GTF2H1: variants seen among roughly 807,000 people sequenced by gnomAD.
GTF2H1 encodes BTF2 p62.
A neutral mutation model predicts 71.2 loss-of-function variants in GTF2H1; 16 were observed. That is an observed-to-expected ratio of 0.22 (90% CI 0.15 to 0.34). The LOEUF (loss-of-function observed/expected upper bound fraction) is 0.34, where lower values mean the gene tolerates loss of function less well. Ranked by LOEUF, GTF2H1 falls within the 10% of genes least tolerant of loss-of-function variation. GTF2H1 has a pLI of 1.00. For missense variants in GTF2H1, 498 were observed against 648.2 expected, an observed-to-expected ratio of 0.77 and a Z score of 2.52; for synonymous variants, 215 against 219.0, an observed-to-expected ratio of 0.98 and a Z score of 0.16.
At position 18,358,014 on chromosome 11, in the gene GTF2H1, G is replaced by T. The variant is rs778944977; in HGVS notation, c.1323G>T (p.Met441Ile). The T allele has an allele frequency of 6.2e-7, 1 of 1,612,532 alleles. No homozygotes were observed. The highest frequency in any genetic ancestry group is 8.5e-7 in the Non-Finnish European group (1 of 1,178,630). Reference sequence around the variant, plus strand: ...CACTGTCACCTGGAGGGGCACTTATGCAGGGAGGAACACAGCAAGCCATAA... The same window carrying T: ...CACTGTCACCTGGAGGGGCACTTATTCAGGGAGGAACACAGCAAGCCATAA... ...ITALSPGGAL[M>I]QGGTQQAINQ... is the part of the protein sequence containing the mutation. The change falls in exon 12 of 15, where the codon ATG (methionine) becomes ATT (isoleucine). Residue 441 changes from methionine (M) to isoleucine (I), a missense_variant. By Grantham distance (10) the Met-to-Ile change is conservative. Coordinates refer to ENST00000265963, the MANE Select transcript of GTF2H1 (RefSeq NM_005316.4).
At chr11:18,342,158 C>T (rs1865171472) in intron 7 of GTF2H1, among the ~76,000 whole-genome samples, 1 of 151,954 alleles carries the variant, frequency 6.6e-6, no homozygotes, top group Admixed American at 6.6e-5. Flanking sequence ...TTTATCACTG[C>T]CTCTGTCTTC....
At chr11:18,351,706 A>C (rs528657750) in intron 9 of GTF2H1, 175 bp from the exon 10 acceptor site, 5 of 471,514 alleles carry the variant, frequency 1.1e-5, no homozygotes, top group Middle Eastern at 5.6e-4. Flanking sequence ...AGTATTCTTA[A>C]GTAGTTGTTG....
At position 18,358,566 on chromosome 11, in the gene GTF2H1, T is replaced by C. The variant is rs191761375; in HGVS notation, c.1393T>C (p.Tyr465His). 7.8e-5 allele frequency: 125 copies of C among 1,612,382 alleles called. No individual in the cohort carries two copies. In the East Asian group the frequency reaches 2.0e-3, roughly 26 times the overall value. Reference sequence around the variant, plus strand: ...TATTCAATCTGAATTGAAACACTTATATGTAGCTGTTGGAGAACTTCTACG... The same window carrying C: ...TATTCAATCTGAATTGAAACACTTACATGTAGCTGTTGGAGAACTTCTACG... ...NDIQSELKHL[Y>H]VAVGELLRHF... Residue 465 changes from tyrosine to histidine, a missense_variant, in exon 13 of 15, where the codon TAT becomes CAT. By Grantham distance (83) the Tyr-to-His change is moderately conservative (BLOSUM62 2). Around this residue, in one of 3 missense-constraint regions of GTF2H1, gnomAD observed 266 missense variants for 301.6 expected, o/e 0.88. Coordinates refer to ENST00000265963, the MANE Select transcript of GTF2H1 (RefSeq NM_005316.4).
intron 7 of GTF2H1, among the ~76,000 whole-genome samples, chr11:18,346,382 G>A (rs552671064): frequency 4.6e-5 from 7 of 152,106 alleles, no homozygotes; most frequent in East Asian, 1.9e-4. Context: ...TATTGTCTCC[G>A]ATCTACTTGG....
intron 14 of GTF2H1, among the ~76,000 whole-genome samples, chr11:18,362,617 T>TTCTCTC (rs1027023462): frequency 1.3e-5 from 2 of 151,034 alleles, no homozygotes; most frequent in Non-Finnish European, 3.0e-5. Context: ...CTCTCTCTCT[T>TTCTCTC]TCTCTCTCTC....
intron 3 of GTF2H1, among the ~76,000 whole-genome samples, chr11:18,336,402 AC>A (rs765256892): frequency 2.9e-4 from 44 of 152,172 alleles, no homozygotes; most frequent in Non-Finnish European, 5.7e-4. Context: ...TGCTGGGATT[AC>A]AGGTATGAGC....
At chr11:18,323,882 A>G (rs980005764) in intron 1 of GTF2H1, among the ~76,000 whole-genome samples, 3 of 152,188 alleles carry the variant, frequency 2.0e-5, no homozygotes, top group African/African-American at 7.2e-5. Context: ...ACAAAACCAG[A>G]GCAGTTGAGA....
chr11:18,323,077 A>T (rs145069581), intron 1 of GTF2H1, among the ~76,000 whole-genome samples: 1 of 152,156 alleles, frequency 6.6e-6, no homozygotes, highest in Admixed American at 6.5e-5. Flanking sequence ...GGGATTCTGT[A>T]AGAGAAAAGC....
chr11:18,365,983 T>C lies in GTF2H1; in HGVS notation c.*114T>C, dbSNP rs1231565254. On this transcript the variant is annotated 3_prime_UTR_variant, in exon 15 of 15. Transcript: ENST00000265963. ...GACCTCACAGGAGTGATAAGAAACA[T>C]CTGCTCCACGCCAACTCCCAGAGCT... 7 of 695,162 alleles carry C rather than the reference T, an allele frequency of 1.0e-5. No homozygotes were observed. The African/African-American group carries it at 1.2e-4, about 12-fold the overall frequency. The allele number at this position is 695,162 out of a possible 1,614,324, so 43.1% of individuals were successfully genotyped here.
At chr11:18,361,022 C>A (rs1590200539) in intron 14 of GTF2H1, among the ~76,000 whole-genome samples, 1 of 151,952 alleles carries the variant, frequency 6.6e-6, no homozygotes, top group East Asian at 1.9e-4. Context: ...CCAGGCTGGT[C>A]TCAAACTCGA....
Position 18,341,274 on chromosome 11 carries a change from T to C in GTF2H1, c.621T>C (p.Tyr207=), listed in dbSNP as rs777951552. 42 of 1,609,752 alleles carry C rather than the reference T, an allele frequency of 2.6e-5. No homozygotes were observed. The highest frequency in any genetic ancestry group is 3.6e-5 in the Non-Finnish European group (42 of 1,178,998). Residue 207 remains tyrosine, a synonymous_variant, in exon 6 of 15, where the codon TAT becomes TAC. Coordinates refer to ENST00000265963, the MANE Select transcript of GTF2H1 (RefSeq NM_005316.4). ...TTTTTTCCACAGTAAAAATGAAATA[T>C]GCAGAAAATGTTCCCCACAACATGA... is the stretch of plus-strand genomic sequence containing the variant. ...FRTYPAVKMK[Y]AENVPHNMTE...
At chr11:18,339,011 G>A (rs1865096156) in intron 4 of GTF2H1, among the ~76,000 whole-genome samples, 1 of 152,092 alleles carries the variant, frequency 6.6e-6, no homozygotes, top group Non-Finnish European at 1.5e-5. Context: ...TATAGAAAAT[G>A]TAAGATTTGT....
intron 14 of GTF2H1, among the ~76,000 whole-genome samples, chr11:18,362,457 A>T (rs180864431): frequency 6.6e-6 from 1 of 152,242 alleles, no homozygotes; most frequent in East Asian, 1.9e-4. Context: ...TTCAATAATA[A>T]ATTAGCCTTA....
chr11:18,365,070 T>A (rs1201175648), intron 14 of GTF2H1, among the ~76,000 whole-genome samples: 3 of 111,520 alleles, frequency 2.7e-5, no homozygotes, highest in South Asian at 2.9e-4. Context: ...TCTCCACTAT[T>A]TAAAAAAGAA....
chr11:18,337,479 T>C (rs982494367), intron 3 of GTF2H1, among the ~76,000 whole-genome samples: 7 of 152,034 alleles, frequency 4.6e-5, no homozygotes, highest in African/African-American at 1.7e-4. Context: ...GCTGGAAAAT[T>C]TCAAGCATAC....
rs540963318 is a variant in GTF2H1 at position 18,359,084 on chromosome 11, A to G, written c.1467+444A>G. ...AAAATGTAACATTAATAGTAATACT[A>G]TAAATTGCTTTCATAAACTATGATT... On this transcript the variant is annotated intron_variant, in intron 13 of 14. Transcript: ENST00000265963. Among the ~76,000 whole-genome samples the G allele has an allele frequency of 2.6e-4, 39 of 152,360 alleles. No homozygotes were observed. In the South Asian group the frequency reaches 7.2e-3, roughly 28 times the overall value.
At chr11:18,323,447 C>T (rs905721385) in intron 1 of GTF2H1, among the ~76,000 whole-genome samples, 3 of 152,004 alleles carry the variant, frequency 2.0e-5, no homozygotes, top group Non-Finnish European at 4.4e-5. Flanking sequence ...TGCTACAGTG[C>T]CTGGCCCCAA....
chr11:18,365,423 C>T (rs997312110), intron 14 of GTF2H1, among the ~76,000 whole-genome samples: 1 of 152,066 alleles, frequency 6.6e-6, no homozygotes, highest in African/African-American at 2.4e-5. Flanking sequence ...CCATCCTGGC[C>T]TTAGTTGGCT....
chr11:18,358,951 AC>A (rs1865634281), intron 13 of GTF2H1, among the ~76,000 whole-genome samples: 1 of 152,368 alleles, frequency 6.6e-6, no homozygotes, highest in Non-Finnish European at 1.5e-5. Context: ...TATATTTGAT[AC>A]GTTTTTCAGG....
Sources: allele counts gnomAD v4.1 joint callset (sites outside exome capture counted in the v4.1 genomes callset), GRCh38; gene constraint gnomAD v4.1.1; regional missense constraint gnomAD v4.1.1; transcripts MANE v1.5; gene names NCBI Gene and HGNC (gene_info 2026-07-23, HGNC 2026-07-21).